The following RNGTT variants were observed in gnomAD, a reference collection of about 807,000 sequenced individuals.
RNGTT encodes the protein RNA guanylyltransferase and 5'-phosphatase.
In RNGTT, 33 loss-of-function variants were observed where a neutral mutation model predicts 79.3. That is an observed-to-expected ratio of 0.42 (90% CI 0.32 to 0.56). The LOEUF (loss-of-function observed/expected upper bound fraction) is 0.56, where lower values mean the gene tolerates loss of function less well. Among genes scored for constraint, RNGTT ranks in the 20% least tolerant of loss-of-function variants. The pLI is 0.17. For synonymous variants in RNGTT, 222 were observed against 235.9 expected (o/e 0.94, Z 0.54); for missense variants, 497 against 739.1 (o/e 0.67, Z 3.80).
At position 88,783,862 on chromosome 6, in the gene RNGTT, C is replaced by T. The variant is rs9451084; in HGVS notation, c.1339-13988G>A. Among the ~76,000 whole-genome samples the T allele has an allele frequency of 7.7e-3, 1,174 of 152,226 alleles. 8 individuals carry two copies. The highest frequency in any genetic ancestry group is 0.026 in the African/African-American group (1,089 of 41,542). On this transcript the variant is annotated intron_variant, in intron 12 of 15. Transcript: ENST00000369485. Reference sequence around the variant, plus strand: ...TCAAATGTTATTTGGGAAGTAAAATCATGCCAGTTGAGAATCACTGATCTA... The same window carrying T: ...TCAAATGTTATTTGGGAAGTAAAATTATGCCAGTTGAGAATCACTGATCTA...
chr6:88,772,896 G>C (rs1311916672), intron 12 of RNGTT, among the ~76,000 whole-genome samples: 1 of 152,100 alleles, frequency 6.6e-6, no homozygotes, highest in Non-Finnish European at 1.5e-5. Flanking sequence ...TTCAACCATT[G>C]TGGAAGTCAG....
At chr6:88,711,563 G>T (rs1260233038) in intron 13 of RNGTT, among the ~76,000 whole-genome samples, 1 of 152,042 alleles carries the variant, frequency 6.6e-6, no homozygotes, top group East Asian at 1.9e-4. Flanking sequence ...CTGCTTAGTG[G>T]GTCTTAGACT....
Position 88,801,571 on chromosome 6 carries a change from G to C in RNGTT, c.1331C>G (p.Pro444Arg). The part of the protein sequence containing the change: ...SHEMDGLIFQ[P>R]TGKYKPGRCD... Reference sequence around the variant, plus strand: ...ACAGACAAATGAACTTACTCCAGTAGGCTGAAAAATAAGTCCATCCATTTC... The same window carrying C: ...ACAGACAAATGAACTTACTCCAGTACGCTGAAAAATAAGTCCATCCATTTC... The change falls in exon 12 of 16, where the codon CCT becomes CGT. Residue 444 changes from proline to arginine, a missense_variant. Physicochemically the swap from Pro to Arg is moderately radical, Grantham distance 103. Transcript: ENST00000369485. 1 of 1,608,722 alleles carries C rather than the reference G, an allele frequency of 6.2e-7. No homozygotes were observed. Among genetic ancestry groups the C allele is most frequent in the African/African-American group, 1.4e-5 (1 of 73,938 alleles).
chr6:88,678,244 A>C (rs755588660), intron 14 of RNGTT, 109 bp downstream of exon 14: 1 of 1,447,428 alleles, frequency 6.9e-7, no homozygotes, highest in Admixed American at 2.2e-5. Flanking sequence ...TAGCCTCCCA[A>C]AGTGCTGGAA....
chr6:88,699,850 G>A (rs1472656632), intron 13 of RNGTT, among the ~76,000 whole-genome samples: 1 of 152,028 alleles, frequency 6.6e-6, no homozygotes, highest in Non-Finnish European at 1.5e-5. Flanking sequence ...AATCATATAA[G>A]GTATACAGAA....
chr6:88,800,642 A>T (rs9359814), intron 12 of RNGTT, among the ~76,000 whole-genome samples: 19,321 of 152,190 alleles, frequency 0.13, 1,387 homozygotes, highest in Middle Eastern at 0.23. Flanking sequence ...GAACTTGTCA[A>T]AACACAAACC....
At chr6:88,922,343 T>G (rs938448027) in intron 4 of RNGTT, among the ~76,000 whole-genome samples, 19 of 152,242 alleles carry the variant, frequency 1.2e-4, no homozygotes, top group African/African-American at 4.6e-4. Flanking sequence ...TTTAATGACC[T>G]TAAACTACAT....
chr6:88,905,926 CT>C (rs1470756818), intron 5 of RNGTT, among the ~76,000 whole-genome samples: 2 of 152,176 alleles, frequency 1.3e-5, no homozygotes, highest in Non-Finnish European at 2.9e-5. Context: ...TGGAAGATAA[CT>C]TTAGCCCAGG....
intron 12 of RNGTT, among the ~76,000 whole-genome samples, chr6:88,786,045 C>G (rs1476264637): frequency 6.6e-6 from 1 of 151,854 alleles, no homozygotes; most frequent in Non-Finnish European, 1.5e-5. Flanking sequence ...TTTTACTAAC[C>G]ATAGTAGAGT....
At chr6:88,882,952 G>A (rs1471898886) in intron 8 of RNGTT, among the ~76,000 whole-genome samples, 2 of 152,112 alleles carry the variant, frequency 1.3e-5, no homozygotes, top group Non-Finnish European at 2.9e-5. Flanking sequence ...GAGGTATCCT[G>A]CTATAGCCGC....
chr6:88,866,191 T>C lies in RNGTT; in HGVS notation c.897-12427A>G, dbSNP rs1259651120. Among the ~76,000 whole-genome samples the C allele has an allele frequency of 2.6e-5, 4 of 152,170 alleles. 1 individual carries two copies. Among genetic ancestry groups the C allele is most frequent in the African/African-American group, 7.2e-5 (3 of 41,456 alleles). ...CTCATTAACTGCCACTTCCGTGGGA[T>C]AGAATATGCTTCCTCCTCCTTTTCA... On this transcript the variant is annotated intron_variant, in intron 8 of 15. Coordinates refer to ENST00000369485, the MANE Select transcript of RNGTT (RefSeq NM_003800.5).
chr6:88,775,297 T>G (rs1044860493), intron 12 of RNGTT, among the ~76,000 whole-genome samples: 2 of 152,284 alleles, frequency 1.3e-5, no homozygotes, highest in South Asian at 4.2e-4. Flanking sequence ...TAAAACAATA[T>G]TATTAAGTAC....
chr6:88,836,009 CACACACACACACACAT>C lies in RNGTT; in HGVS notation c.1269+8332_1269+8347del, dbSNP rs1430119409. The stretch of plus-strand genomic sequence containing the variant: ...ACACACACACACACACACACACACA[CACACACACACACACAT>C]ATATATATAAGATTTACATATATAT... On this transcript the variant is annotated intron_variant, in intron 11 of 15. Transcript: ENST00000369485. 1.6e-3 allele frequency among the ~76,000 whole-genome samples: 197 copies of C among 122,028 alleles called. 1 individual carries two copies. Among genetic ancestry groups the C allele is most frequent in the Non-Finnish European group, 3.0e-3 (163 of 54,870 alleles). 80.1% of individuals were successfully genotyped at this position (122,028 alleles called of 152,430 possible).
At chr6:88,771,242 G>T (rs113916409) in intron 12 of RNGTT, among the ~76,000 whole-genome samples, 1,912 of 144,506 alleles carry the variant, frequency 0.013, 38 homozygotes, top group African/African-American at 0.046. Flanking sequence ...TTATTTTTAG[G>T]TATACAAACT....
chr6:88,704,275 A>AAACAAAC (rs1186842495), intron 13 of RNGTT, among the ~76,000 whole-genome samples: 2 of 150,284 alleles, frequency 1.3e-5, no homozygotes, highest in African/African-American at 4.9e-5. Context: ...AAAAAAAAAA[A>AAACAAAC]AAAAAAAAAA....
At chr6:88,725,704 G>C (rs1204908686) in intron 13 of RNGTT, among the ~76,000 whole-genome samples, 1 of 152,290 alleles carries the variant, frequency 6.6e-6, no homozygotes, top group Middle Eastern at 3.4e-3. Flanking sequence ...CCCCATGAGT[G>C]GGGGTTGAAC....
At position 88,853,522 on chromosome 6, in the gene RNGTT, A is replaced by G. The variant is rs918319231; in HGVS notation, c.1032+107T>C. ...TCCGTCTCAAAAAAAAAAAAAAAAA[A>G]GTTAGATTTCATTCGAAATTTCTTA... On this transcript the variant is annotated intron_variant, in intron 9 of 15. Transcript: ENST00000369485. The G allele has an allele frequency of 1.4e-4, 118 of 835,680 alleles. 1 individual carries two copies. In the African/African-American group the frequency reaches 2.0e-3, roughly 14 times the overall value. The allele number at this position is 835,680 out of a possible 1,614,324, so 51.8% of individuals were successfully genotyped here.
chr6:88,898,454 C>T (rs1047188368), intron 6 of RNGTT, among the ~76,000 whole-genome samples: 9 of 151,938 alleles, frequency 5.9e-5, no homozygotes, highest in African/African-American at 2.2e-4. Flanking sequence ...GTTTTTTAAT[C>T]TTATCATTTC....
chr6:88,725,970 A>G (rs1367989374), intron 13 of RNGTT, among the ~76,000 whole-genome samples: 2 of 152,022 alleles, frequency 1.3e-5, no homozygotes, highest in African/African-American at 4.8e-5. Context: ...AGAAAGAGAG[A>G]GACAGGCGGA....
Sources: gnomAD v4.1 joint callset for allele counts (sites outside exome capture counted in the v4.1 genomes callset) on GRCh38, gnomAD v4.1.1 for gene constraint, MANE v1.5 for transcripts, NCBI Gene and HGNC (gene_info 2026-07-23, HGNC 2026-07-21) for gene names.